PHF2: variants seen among roughly 807,000 people sequenced by gnomAD.
PHF2 encodes the protein lysine-specific demethylase PHF2.
In PHF2, 27 loss-of-function variants were observed where a neutral mutation model predicts 120.5. The observed-to-expected ratio is 0.22, with a 90% CI of 0.17 to 0.31. PHF2 has a LOEUF of 0.31. Among genes scored for constraint, PHF2 ranks in the 10% least tolerant of loss-of-function variants. The pLI is 1.00. For missense variants in PHF2, 1,024 were observed against 1,434.8 expected, an observed-to-expected ratio of 0.71 and a Z score of 4.63; for synonymous variants, 568 against 592.5, an observed-to-expected ratio of 0.96 and a Z score of 0.60.
At chr9:93,636,014 A>T (rs1826083921) in intron 2 of PHF2, among the ~76,000 whole-genome samples, 1 of 151,936 alleles carries the variant, frequency 6.6e-6, no homozygotes, top group East Asian at 1.9e-4. Context: ...CCCAGTAGGG[A>T]AGTGACAGAG....
intron 1 of PHF2, among the ~76,000 whole-genome samples, chr9:93,601,793 G>A (rs999643117): frequency 6.6e-6 from 1 of 152,250 alleles, no homozygotes; most frequent in East Asian, 1.9e-4. Flanking sequence ...ATTTCCTGGA[G>A]CTCCACGGGC....
intron 16 of PHF2, 101 bp from the exon 17 acceptor site, chr9:93,666,979 T>TA: frequency 1.5e-6 from 1 of 674,038 alleles, no homozygotes; most frequent in South Asian, 5.4e-5. Flanking sequence ...GTTAAAAAAC[T>TA]AGTTTAGTCC....
At chr9:93,647,366 G>A (rs758176494) in intron 4 of PHF2, among the ~76,000 whole-genome samples, 1 of 152,200 alleles carries the variant, frequency 6.6e-6, no homozygotes, top group Non-Finnish European at 1.5e-5. Flanking sequence ...TCCCCTGGCC[G>A]TGTTCCCTCC....
At position 93,678,076 on chromosome 9, in the gene PHF2, C is replaced by A. The variant is rs143119371; in HGVS notation, c.*400C>A. 3.5e-3 allele frequency: 611 copies of A among 172,652 alleles called. 7 individuals carry two copies. The highest frequency in any genetic ancestry group is 0.014 in the African/African-American group (594 of 42,336). The allele number at this position is 172,652 out of a possible 1,614,324, so 10.7% of individuals were successfully genotyped here. The stretch of plus-strand genomic sequence containing the variant: ...CACCAGCCCCAGAGTCAGAGCTGGC[C>A]ACAGGCTGGCAGCCTCCAGGGGCTT... On this transcript the variant is annotated 3_prime_UTR_variant, in exon 22 of 22. Transcript: ENST00000359246.
chr9:93,672,159 T>C, intron 17 of PHF2, among the ~76,000 whole-genome samples: 2 of 114,012 alleles, frequency 1.8e-5, no homozygotes, highest in Admixed American at 8.2e-5. Context: ...GATGCAGGTG[T>C]GGGTGTGGAT....
At chr9:93,645,028 C>T (rs1469998503) in intron 3 of PHF2, among the ~76,000 whole-genome samples, 1 of 152,126 alleles carries the variant, frequency 6.6e-6, no homozygotes, top group Admixed American at 6.5e-5. Context: ...TGGCCCTGCC[C>T]CTCTGCTGCT....
In PHF2 at chr9:93,576,854, G is replaced by A. The variant is rs2131590722; in HGVS notation, c.81G>A (p.Lys27=). The change falls in exon 1 of 22, where the codon AAG becomes AAA. Residue 27 remains lysine, a synonymous_variant. Transcript: ENST00000359246. ...TRFMIECDAC[K]DWFHGSCVGV... ...TCATGATCGAGTGCGACGCCTGCAA[G>A]GACTGGTTCCACGGCAGGTGAGCGC... 1 of 1,273,684 alleles carries A rather than the reference G, an allele frequency of 7.9e-7. No individual in the cohort carries two copies. Among genetic ancestry groups the A allele is most frequent in the Non-Finnish European group, 1.0e-6 (1 of 973,254 alleles). The allele number at this position is 1,273,684 out of a possible 1,614,324, so 78.9% of individuals were successfully genotyped here.
At position 93,679,021 on chromosome 9, in the gene PHF2, C is replaced by A; in HGVS notation, c.*1345C>A. On this transcript the variant is annotated 3_prime_UTR_variant, in exon 22 of 22. Coordinates refer to ENST00000359246, the MANE Select transcript of PHF2 (RefSeq NM_005392.4). The stretch of plus-strand genomic sequence containing the variant: ...GAAGATGAATCTTCAACTTTAATAC[C>A]AGCTCTTTGTTTTCCTTGTATGATG... 1 of 326,860 alleles carries A rather than the reference C, an allele frequency of 3.1e-6. No individual in the cohort carries two copies. The highest frequency in any genetic ancestry group is 5.9e-6 in the Non-Finnish European group (1 of 168,720). The allele number at this position is 326,860 out of a possible 1,614,324, so 20.2% of individuals were successfully genotyped here.
At chr9:93,658,341 A>G in intron 10 of PHF2, 105 bp downstream of exon 10, 1 of 895,362 alleles carries the variant, frequency 1.1e-6, no homozygotes, top group Non-Finnish European at 1.8e-6. Context: ...TGCTTCAGTG[A>G]GATCCAGCCT....
Position 93,666,031 on chromosome 9 carries a change from A to G in PHF2, c.2158A>G (p.Lys720Glu). ...KKAVLPTPVTKPKLDSAAYKS... is the reference protein window; with the variant it reads ...KKAVLPTPVTEPKLDSAAYKS... ...GGCTGTGCTGCCCACGCCTGTCACG[A>G]AGCCAAAGCTGGACTCGGCAGCGTA... is the stretch of plus-strand genomic sequence containing the variant. The change falls in exon 16 of 22, where the codon AAG (lysine) becomes GAG (glutamate). Residue 720 changes from lysine (K) to glutamate (E), a missense_variant. By Grantham distance (56) the Lys-to-Glu change is moderately conservative. Transcript: ENST00000359246. 1 of 1,613,212 alleles carries G rather than the reference A, an allele frequency of 6.2e-7. No homozygotes were observed. The highest frequency in any genetic ancestry group is 8.5e-7 in the Non-Finnish European group (1 of 1,179,720).
chr9:93,677,038 C>A lies in PHF2; in HGVS notation c.3202+75C>A. ...CCATGGGCAGCCCCAGACATGCAGA[C>A]TCGGCCCATGGTAGAGGGCAGCACA... On this transcript the variant is annotated intron_variant, in intron 21 of 21. Coordinates refer to ENST00000359246, the MANE Select transcript of PHF2 (RefSeq NM_005392.4). This position sits in a 1 kb window ranked among gnomAD's most constrained non-coding sequence, Gnocchi z 4.4. 7.0e-7 allele frequency: 1 copy of A among 1,426,480 alleles called. No homozygotes were observed. Among genetic ancestry groups the A allele is most frequent in the Non-Finnish European group, 9.3e-7 (1 of 1,074,794 alleles). The allele number at this position is 1,426,480 out of a possible 1,614,324, so 88.4% of individuals were successfully genotyped here.
chr9:93,638,408 GCA>G (rs1046644087), intron 3 of PHF2, among the ~76,000 whole-genome samples: 24 of 152,254 alleles, frequency 1.6e-4, no homozygotes, highest in South Asian at 2.1e-4. Flanking sequence ...TGTAGTTTTA[GCA>G]CATACAGTTT....
intron 6 of PHF2, 49 bp downstream of exon 6, chr9:93,653,414 A>G (rs982770244): frequency 1.3e-6 from 2 of 1,583,024 alleles, no homozygotes; most frequent in Non-Finnish European, 1.7e-6. Flanking sequence ...GCCATGACCC[A>G]TCTGCAGGAT....
At chr9:93,661,379 A>G (rs986024574) in intron 12 of PHF2, among the ~76,000 whole-genome samples, 1 of 152,246 alleles carries the variant, frequency 6.6e-6, no homozygotes, top group African/African-American at 2.4e-5. Flanking sequence ...GAGCAAATGA[A>G]TGGATGGCTA....
intron 12 of PHF2, among the ~76,000 whole-genome samples, chr9:93,662,659 A>T (rs895039823): frequency 6.6e-6 from 1 of 151,166 alleles, no homozygotes; most frequent in Non-Finnish European, 1.5e-5. Flanking sequence ...GGGATGAATG[A>T]ATGGATGAAT....
chr9:93,589,879 T>C (rs1274361623), intron 1 of PHF2, among the ~76,000 whole-genome samples: 1 of 152,142 alleles, frequency 6.6e-6, no homozygotes, highest in African/African-American at 2.4e-5. Context: ...GCTGTGAATG[T>C]GATTCTGCAG....
chr9:93,630,442 G>A (rs570516823), intron 2 of PHF2, among the ~76,000 whole-genome samples: 3 of 152,222 alleles, frequency 2.0e-5, no homozygotes, highest in African/African-American at 7.2e-5. Flanking sequence ...GCTACACGGG[G>A]GGCCCAGCCT....
intron 1 of PHF2, among the ~76,000 whole-genome samples, chr9:93,620,098 C>T (rs1355292052): frequency 6.6e-6 from 1 of 152,224 alleles, no homozygotes; most frequent in Non-Finnish European, 1.5e-5. Flanking sequence ...CTGTGACCTG[C>T]TCTTTCTGCA....
chr9:93,589,055 C>T (rs1863121208), intron 1 of PHF2, among the ~76,000 whole-genome samples: 1 of 152,184 alleles, frequency 6.6e-6, no homozygotes, highest in South Asian at 2.1e-4. Flanking sequence ...ACCTTGGAGG[C>T]AGCAGGAAGG....
Sources: gnomAD v4.1 joint callset for allele counts (sites outside exome capture counted in the v4.1 genomes callset) on GRCh38, gnomAD v4.1.1 for gene constraint, Gnocchi (gnomAD v3.1) non-coding constraint, MANE v1.5 for transcripts, NCBI Gene and HGNC (gene_info 2026-07-23, HGNC 2026-07-21) for gene names.